Variants in MARCHF5 observed in about 807,000 individuals in gnomAD.
MARCHF5 encodes E3 ubiquitin-protein ligase MARCHF5.
Under a neutral mutation model 36.5 loss-of-function variants are expected in MARCHF5, and 5 were observed. The observed-to-expected ratio is 0.14, with a 90% CI of 0.07 to 0.29. The LOEUF (loss-of-function observed/expected upper bound fraction) is 0.29, where lower values mean the gene tolerates loss of function less well. MARCHF5 is among the 10% of genes least tolerant of loss of function. The pLI is 1.00. For synonymous variants in MARCHF5, 103 were observed against 109.9 expected, an observed-to-expected ratio of 0.94 and a Z score of 0.39; for missense variants, 179 against 336.3, an observed-to-expected ratio of 0.53 and a Z score of 3.66.
At chr10:92,347,487 TA>T (rs1393030648) in intron 3 of MARCHF5, among the ~76,000 whole-genome samples, 6 of 71,504 alleles carry the variant, frequency 8.4e-5, no homozygotes, top group Admixed American at 4.2e-4. Context: ...GATAGATAGA[TA>T]GATAGATAGA....
intron 2 of MARCHF5, among the ~76,000 whole-genome samples, chr10:92,338,422 G>T (rs1019858351): frequency 6.6e-6 from 1 of 152,136 alleles, no homozygotes; most frequent in Non-Finnish European, 1.5e-5. Context: ...CTTTGGCACA[G>T]CACACAGTCT....
rs984053320 is a variant in MARCHF5 at position 92,351,198 on chromosome 10, A to G, written c.828A>G (p.Glu276=). 6.2e-7 allele frequency: 1 copy of G among 1,604,568 alleles called. No homozygotes were observed. The highest frequency in any genetic ancestry group is 8.5e-7 in the Non-Finnish European group (1 of 1,172,330). ...HRKILNYPEQ[E]EA The stretch of plus-strand genomic sequence containing the variant: ...AAATTCTGAATTATCCAGAACAAGA[A>G]GAAGCATAAAACTGACTTCTGGTTG... The change falls in exon 6 of 6, where the codon GAA becomes GAG. Residue 276 remains glutamate (E), a synonymous_variant. Coordinates refer to ENST00000358935, the MANE Select transcript of MARCHF5 (RefSeq NM_017824.5).
chr10:92,303,698 A>T (rs915316491), intron 1 of MARCHF5, among the ~76,000 whole-genome samples: 4 of 152,134 alleles, frequency 2.6e-5, no homozygotes, highest in African/African-American at 9.7e-5. Context: ...TATATTCCTT[A>T]AACTGTTTAT....
At chr10:92,338,994 G>A (rs1391484902) in intron 2 of MARCHF5, among the ~76,000 whole-genome samples, 4 of 147,018 alleles carry the variant, frequency 2.7e-5, no homozygotes, top group African/African-American at 7.6e-5. Flanking sequence ...GTAGTGAGCC[G>A]AGATTGTGCC....
intron 4 of MARCHF5, 25 bp from the exon 5 acceptor site, chr10:92,349,646 A>G (rs762777849): frequency 1.2e-6 from 2 of 1,611,174 alleles, no homozygotes; most frequent in African/African-American, 1.3e-5. Flanking sequence ...TATTAGCACT[A>G]ACGCACTGCA....
At chr10:92,328,821 A>ATATATATATATTT (rs372130854) in intron 2 of MARCHF5, among the ~76,000 whole-genome samples, 1 of 122,442 alleles carries the variant, frequency 8.2e-6, no homozygotes, top group African/African-American at 3.2e-5. Context: ...ATATATATAT[A>ATATATATATATTT]TTTTTTTTTT....
intron 2 of MARCHF5, among the ~76,000 whole-genome samples, chr10:92,318,514 A>G (rs112415428): frequency 6.6e-6 from 1 of 151,720 alleles, no homozygotes; most frequent in Non-Finnish European, 1.5e-5. Flanking sequence ...TGAGCCCAGG[A>G]GTTCGAGACC....
At position 92,326,729 on chromosome 10, in the gene MARCHF5, G is replaced by A. The variant is rs548226466; in HGVS notation, c.239-13944G>A. On this transcript the variant is annotated intron_variant, in intron 2 of 5. Transcript: ENST00000358935. ...ATATTTGCTTTGCTAGAAATGGAAA[G>A]GAATAGCAAATACATCAAAGAGAAG... is the stretch of plus-strand genomic sequence containing the variant. Among the ~76,000 whole-genome samples the A allele has an allele frequency of 4.0e-5, 6 of 150,642 alleles. No homozygotes were observed. The South Asian group carries it at 1.3e-3, about 31-fold the overall frequency.
intron 2 of MARCHF5, among the ~76,000 whole-genome samples, chr10:92,317,500 A>G (rs1303532721): frequency 1.3e-5 from 2 of 151,972 alleles, no homozygotes; most frequent in African/African-American, 2.4e-5. Context: ...TTTTTGATAC[A>G]TTGTGTAAAT....
intron 3 of MARCHF5, among the ~76,000 whole-genome samples, chr10:92,343,961 A>G (rs1193808796): frequency 6.6e-6 from 1 of 152,222 alleles, no homozygotes. Context: ...AGACTGAGAA[A>G]GACATAGAAA....
At chr10:92,299,143 T>G (rs1842982764) in intron 1 of MARCHF5, among the ~76,000 whole-genome samples, 1 of 152,174 alleles carries the variant, frequency 6.6e-6, no homozygotes, top group African/African-American at 2.4e-5. Flanking sequence ...TTTTGCTGCC[T>G]TCTTTCCTTC....
At chr10:92,314,811 G>A (rs1478734381) in intron 2 of MARCHF5, among the ~76,000 whole-genome samples, 1 of 143,672 alleles carries the variant, frequency 7.0e-6, no homozygotes, top group East Asian at 2.1e-4. Flanking sequence ...AAACTCCTGG[G>A]CTCAAGCAAT....
chr10:92,339,099 G>A (rs1014199226), intron 2 of MARCHF5, among the ~76,000 whole-genome samples: 3 of 152,106 alleles, frequency 2.0e-5, no homozygotes, highest in African/African-American at 7.2e-5. Flanking sequence ...GCCAGATGCA[G>A]TGGCTCATGC....
In MARCHF5 at chr10:92,349,530, C is replaced by A. The variant is rs1279422499; in HGVS notation, c.551C>A (p.Pro184Gln). ...NKLQILNSIF[P>Q]GIGCPVPRIP... is the part of the protein sequence containing the mutation. ...CTACAAATTTTAAATAGTATATTTC[C>A]AGGTAAGGCACTGAACTGTGGTTGT... Residue 184 changes from proline (P) to glutamine (Q), a missense_variant and splice_region_variant, in exon 4 of 6, where the codon CCA (proline) becomes CAA (glutamine). By Grantham distance (76) the Pro-to-Gln change is moderately conservative (BLOSUM62 -1). This residue lies in a region of MARCHF5 where 95 missense variants were observed against 139.5 expected (regional missense o/e 0.68). Transcript: ENST00000358935. 1.2e-6 allele frequency: 2 copies of A among 1,612,290 alleles called. No individual in the cohort carries two copies. The highest frequency in any genetic ancestry group is 1.7e-6 in the Non-Finnish European group (2 of 1,179,148).
intron 3 of MARCHF5, among the ~76,000 whole-genome samples, chr10:92,348,461 C>G (rs1455694273): frequency 6.6e-6 from 1 of 152,110 alleles, no homozygotes; most frequent in Non-Finnish European, 1.5e-5. Context: ...TGCACTCCAG[C>G]CTGGGCAACA....
intron 3 of MARCHF5, among the ~76,000 whole-genome samples, chr10:92,347,472 A>T (rs1049142134): frequency 1.2e-4 from 3 of 25,582 alleles, no homozygotes; most frequent in Non-Finnish European, 1.6e-4. Context: ...TCAGATAGAT[A>T]GATAGATAGA....
chr10:92,340,851 T>C, intron 3 of MARCHF5, 48 bp downstream of exon 3: 1 of 1,435,210 alleles, frequency 7.0e-7, no homozygotes, highest in South Asian at 1.5e-5. Flanking sequence ...TGAAGATCTA[T>C]TAAAACATTT....
chr10:92,303,559 G>A (rs1280478561), intron 1 of MARCHF5, among the ~76,000 whole-genome samples: 1 of 151,882 alleles, frequency 6.6e-6, no homozygotes, highest in African/African-American at 2.4e-5. Context: ...ATGTTTGTTC[G>A]TTAACTAGAC....
At chr10:92,295,488 A>T (rs1449062105) in intron 1 of MARCHF5, among the ~76,000 whole-genome samples, 2 of 149,952 alleles carry the variant, frequency 1.3e-5, no homozygotes, top group South Asian at 2.1e-4. Flanking sequence ...GCTCGCTGCA[A>T]ACTGTGCCTC....
Sources: gnomAD v4.1 joint callset for allele counts (sites outside exome capture counted in the v4.1 genomes callset) on GRCh38, gnomAD v4.1.1 for gene constraint, gnomAD v4.1.1 regional missense constraint, MANE v1.5 for transcripts, NCBI Gene and HGNC (gene_info 2026-07-23, HGNC 2026-07-21) for gene names.